The following MYO16 variants were observed in gnomAD, a reference collection of about 807,000 sequenced individuals.
MYO16 encodes the protein myosin XVI.
MYO16 carries 94 observed loss-of-function variants against 205.3 expected under a neutral mutation model. That is an observed-to-expected ratio of 0.46 (90% CI 0.39 to 0.54). MYO16 has a LOEUF of 0.54. Among genes scored for constraint, MYO16 ranks in the 20% least tolerant of loss-of-function variants. The pLI, the probability that MYO16 is intolerant of heterozygous loss-of-function variation, is 0.00. For synonymous variants in MYO16, 988 were observed against 954.0 expected, an observed-to-expected ratio of 1.04 and a Z score of -0.66; for missense variants, 2,315 against 2,387.5, an observed-to-expected ratio of 0.97 and a Z score of 0.63.
At chr13:108,953,066 C>A (rs1410607411) in intron 16 of MYO16, among the ~76,000 whole-genome samples, 1 of 151,974 alleles carries the variant, frequency 6.6e-6, no homozygotes, top group Non-Finnish European at 1.5e-5. Context: ...CATTACCCAC[C>A]ATTATTCTTA....
At chr13:108,911,769 G>A (rs944013227) in intron 16 of MYO16, among the ~76,000 whole-genome samples, 1 of 152,198 alleles carries the variant, frequency 6.6e-6, no homozygotes, top group East Asian at 1.9e-4. Flanking sequence ...TAGTGGGGAG[G>A]TGGTGTTAGC....
At chr13:108,789,556 A>G (rs9587687) in intron 5 of MYO16, among the ~76,000 whole-genome samples, 75,111 of 152,002 alleles carry the variant, frequency 0.49, 18,829 homozygotes, top group South Asian at 0.52. Context: ...GCATGACTAC[A>G]TAAGATGGTC....
chr13:109,112,271 T>A (rs12100279), intron 28 of MYO16, among the ~76,000 whole-genome samples: 28,488 of 152,070 alleles, frequency 0.19, 3,491 homozygotes, highest in East Asian at 0.58. Context: ...GAAGTCAGTG[T>A]GCAAGGTGAG....
chr13:109,191,653 A>G (rs1008312553), intron 34 of MYO16, among the ~76,000 whole-genome samples: 2 of 152,194 alleles, frequency 1.3e-5, no homozygotes, highest in Admixed American at 1.3e-4. Flanking sequence ...CTGCATTGCA[A>G]AAAGGCTGGT....
intron 16 of MYO16, among the ~76,000 whole-genome samples, chr13:108,945,969 A>G (rs1242150358): frequency 6.6e-6 from 1 of 152,218 alleles, no homozygotes; most frequent in Non-Finnish European, 1.5e-5. Context: ...TCCTGAAGCC[A>G]GACTTCTGAG....
chr13:108,883,486 A>C (rs906377424), intron 13 of MYO16, among the ~76,000 whole-genome samples: 2 of 152,214 alleles, frequency 1.3e-5, no homozygotes, highest in African/African-American at 2.4e-5. Flanking sequence ...TGGAGAAAGA[A>C]AAACTACCAA....
chr13:108,780,069 G>A (rs1014300290), intron 4 of MYO16: 10 of 152,172 alleles, frequency 6.6e-5, no homozygotes, highest in Admixed American at 2.0e-4. Flanking sequence ...AGAGCAAAGC[G>A]TCCTTTCCTT....
chr13:108,503,965 T>A, the MYO16 span, among the ~76,000 whole-genome samples: 1 of 124,632 alleles, frequency 8.0e-6, no homozygotes, highest in Non-Finnish European at 1.9e-5. Context: ...TAGGTTTTAT[T>A]ATTATTTTTT....
intron 2 of MYO16, among the ~76,000 whole-genome samples, chr13:108,684,983 C>T (rs1171079003): frequency 6.6e-6 from 1 of 150,858 alleles, no homozygotes; most frequent in Non-Finnish European, 1.5e-5. Flanking sequence ...GTTGTCCTAA[C>T]AAATTATTGA....
At chr13:108,842,288 T>C (rs1429298704) in intron 9 of MYO16, among the ~76,000 whole-genome samples, 2 of 152,040 alleles carry the variant, frequency 1.3e-5, no homozygotes, top group Non-Finnish European at 2.9e-5. Context: ...AGTAGCATGT[T>C]GAATGGGAGA....
At chr13:109,034,615 G>A (rs1251427508) in intron 23 of MYO16, among the ~76,000 whole-genome samples, 4 of 152,072 alleles carry the variant, frequency 2.6e-5, no homozygotes, top group South Asian at 2.1e-4. Flanking sequence ...GAAAACAGAC[G>A]AATACAACAT....
rs1594309215 is a variant in MYO16 at position 108,806,877 on chromosome 13, T to C, written c.867+73T>C. 3 of 1,160,248 alleles carry C rather than the reference T, an allele frequency of 2.6e-6. No homozygotes were observed. In the East Asian group the frequency reaches 8.9e-5, roughly 34 times the overall value. The allele number at this position is 1,160,248 out of a possible 1,614,324, so 71.9% of individuals were successfully genotyped here. ...TGAATAATTTCATATTCAATTTTGA[T>C]TTGATTTTAAATTACGTACTAATCA... is the stretch of plus-strand genomic sequence containing the variant. On this transcript the variant is annotated intron_variant, in intron 7 of 34. Coordinates refer to ENST00000457511, the MANE Select transcript of MYO16 (RefSeq NM_001198950.3).
intron 31 of MYO16, among the ~76,000 whole-genome samples, chr13:109,139,338 A>C (rs1232281230): frequency 6.6e-6 from 1 of 152,236 alleles, no homozygotes; most frequent in Non-Finnish European, 1.5e-5. Flanking sequence ...TTAATTGGCC[A>C]GGTCTCCTGG....
intron 34 of MYO16, among the ~76,000 whole-genome samples, chr13:109,189,350 A>C (rs1204713388): frequency 6.6e-6 from 1 of 152,102 alleles, no homozygotes; most frequent in Admixed American, 6.5e-5. Flanking sequence ...AATCCAACCA[A>C]GTTGACACTC....
intron 21 of MYO16, among the ~76,000 whole-genome samples, chr13:108,993,765 T>C (rs1566450322): frequency 6.6e-6 from 1 of 152,304 alleles, no homozygotes; most frequent in East Asian, 1.9e-4. Flanking sequence ...ATAGAATATA[T>C]GACAATATAT....
At chr13:108,930,517 A>G (rs1215005991) in intron 16 of MYO16, among the ~76,000 whole-genome samples, 1 of 152,234 alleles carries the variant, frequency 6.6e-6, no homozygotes, top group Admixed American at 6.5e-5. Flanking sequence ...AAGTAAAAAA[A>G]GAAAAGTCAA....
upstream of MYO16, among the ~76,000 whole-genome samples, chr13:108,627,500 T>C (rs890218514): frequency 6.6e-6 from 1 of 152,146 alleles, no homozygotes; most frequent in Non-Finnish European, 1.5e-5. Context: ...CATCTGACGA[T>C]AAGCACTTTG....
chr13:109,076,152 T>G (rs1369144633), intron 27 of MYO16, among the ~76,000 whole-genome samples: 2 of 152,202 alleles, frequency 1.3e-5, no homozygotes, highest in Non-Finnish European at 2.9e-5. Context: ...TTTGCCAGTC[T>G]TGGTAGAGTT....
chr13:108,855,474 ACCTG>A lies in MYO16; in HGVS notation c.1281_1284del (p.Asp427GlufsTer106). On this transcript the variant is annotated frameshift_variant, in exon 11 of 35. Coordinates refer to ENST00000457511, the MANE Select transcript of MYO16 (RefSeq NM_001198950.3). LOFTEE classifies it high-confidence loss of function. ...CTAATGCCTCCTGCCCCAAACGATG[ACCTG>A]GCAACGCTCAGCGAGCTCAATGATG... 1 of 1,594,770 alleles carries A rather than the reference ACCTG, an allele frequency of 6.3e-7. No individual in the cohort carries two copies. The highest frequency in any genetic ancestry group is 8.6e-7 in the Non-Finnish European group (1 of 1,165,102).
Sources: gnomAD v4.1 joint callset for allele counts (sites outside exome capture counted in the v4.1 genomes callset) on GRCh38, gnomAD v4.1.1 for gene constraint, MANE v1.5 for transcripts, NCBI Gene and HGNC (gene_info 2026-07-23, HGNC 2026-07-21) for gene names.